Variants in GUCY1A2 observed in about 807,000 individuals in gnomAD.
GUCY1A2 encodes the protein guanylate cyclase soluble subunit alpha-2.
GUCY1A2 carries 27 observed loss-of-function variants against 63.5 expected under a neutral mutation model. The observed-to-expected ratio is 0.43, with a 90% CI of 0.31 to 0.59. The LOEUF (loss-of-function observed/expected upper bound fraction) is 0.59, where lower values mean the gene tolerates loss of function less well. GUCY1A2 is among the 20% of genes least tolerant of loss of function. The pLI is 0.11. For synonymous variants in GUCY1A2, 364 were observed against 343.5 expected (o/e 1.06, Z -0.66); for missense variants, 768 against 913.3 (o/e 0.84, Z 2.05).
At chr11:107,006,930 A>C (rs1861678955) in intron 1 of GUCY1A2, among the ~76,000 whole-genome samples, 1 of 152,182 alleles carries the variant, frequency 6.6e-6, no homozygotes, top group Admixed American at 6.5e-5. Flanking sequence ...GCTCACTTAG[A>C]ATGTTTGATT....
At chr11:106,798,335 A>T (rs1864806224) in intron 5 of GUCY1A2, among the ~76,000 whole-genome samples, 1 of 152,200 alleles carries the variant, frequency 6.6e-6, no homozygotes, top group Non-Finnish European at 1.5e-5. Flanking sequence ...TACCAGAGGT[A>T]CAAGGAGGAG....
chr11:106,852,511 T>A (rs1859370056), intron 4 of GUCY1A2, among the ~76,000 whole-genome samples: 1 of 152,142 alleles, frequency 6.6e-6, no homozygotes, highest in Non-Finnish European at 1.5e-5. Flanking sequence ...GTTGAGTCTT[T>A]AACATGAAGG....
At chr11:106,920,412 A>C (rs1438660646) in intron 4 of GUCY1A2, among the ~76,000 whole-genome samples, 1 of 152,180 alleles carries the variant, frequency 6.6e-6, no homozygotes, top group Non-Finnish European at 1.5e-5. Flanking sequence ...TACTTAGTAA[A>C]AGATAAAAAG....
intron 1 of GUCY1A2, among the ~76,000 whole-genome samples, chr11:106,995,149 C>G (rs1861518672): frequency 6.6e-6 from 1 of 152,176 alleles, no homozygotes; most frequent in Admixed American, 6.5e-5. Flanking sequence ...AGGGCTGATT[C>G]AGTCTTCAAA....
intron 1 of GUCY1A2, among the ~76,000 whole-genome samples, chr11:107,015,489 A>G (rs1302730844): frequency 7.1e-6 from 1 of 140,304 alleles, no homozygotes; most frequent in Non-Finnish European, 1.5e-5. Flanking sequence ...GTTGTTGAAA[A>G]TAGTCTTAGC....
intron 5 of GUCY1A2, among the ~76,000 whole-genome samples, chr11:106,794,133 C>T (rs1261731918): frequency 6.6e-6 from 1 of 152,010 alleles, no homozygotes; most frequent in Non-Finnish European, 1.5e-5. Context: ...ATGTGATACA[C>T]ACACACACAG....
chr11:106,700,238 C>T (rs913477730), intron 7 of GUCY1A2, among the ~76,000 whole-genome samples: 3 of 152,088 alleles, frequency 2.0e-5, no homozygotes, highest in Middle Eastern at 3.4e-3. Flanking sequence ...ACATTATATT[C>T]TGATTTTTAA....
intron 5 of GUCY1A2, among the ~76,000 whole-genome samples, chr11:106,800,436 C>G (rs989127512): frequency 1.3e-5 from 2 of 152,130 alleles, no homozygotes; most frequent in African/African-American, 4.8e-5. Flanking sequence ...GACACATGCA[C>G]ACATATGTTC....
intron 6 of GUCY1A2, among the ~76,000 whole-genome samples, chr11:106,737,841 C>T (rs932129397): frequency 6.6e-5 from 10 of 152,068 alleles, no homozygotes; most frequent in Non-Finnish European, 2.9e-5. Flanking sequence ...CTATTGTGAA[C>T]AGTGCCACAA....
chr11:106,909,356 T>TGTGTGTGTGTGTGTGTGTGTGTGTGA (rs1860260308), intron 4 of GUCY1A2, among the ~76,000 whole-genome samples: 1 of 5,820 alleles, frequency 1.7e-4, no homozygotes, highest in Non-Finnish European at 3.1e-4. Flanking sequence ...GGTACTCATC[T>TGTGTGTGTGTGTGTGTGTGTGTGTGA]GTGTGTGTGT....
chr11:106,865,237 G>A (rs533354349), intron 4 of GUCY1A2, among the ~76,000 whole-genome samples: 1 of 152,046 alleles, frequency 6.6e-6, no homozygotes, highest in Non-Finnish European at 1.5e-5. Context: ...GGGATCAGTA[G>A]TGATATCTCT....
At chr11:106,706,545 G>GT (rs71041682) in intron 7 of GUCY1A2, among the ~76,000 whole-genome samples, 30,919 of 142,692 alleles carry the variant, frequency 0.22, 3,609 homozygotes, top group African/African-American at 0.31. Flanking sequence ...GGCTGGCAGA[G>GT]TTTTTTTTTT....
intron 6 of GUCY1A2, among the ~76,000 whole-genome samples, chr11:106,774,847 TCTC>T (rs1164682342): frequency 1.3e-5 from 2 of 152,228 alleles, no homozygotes; most frequent in Admixed American, 6.5e-5. Context: ...CACTTTGTTC[TCTC>T]TTCTTTTCTT....
At chr11:106,826,836 G>T in intron 4 of GUCY1A2, 5 of 1,607,836 alleles carry the variant, frequency 3.1e-6, no homozygotes, top group Non-Finnish European at 4.3e-6. Flanking sequence ...CGGCAGCATA[G>T]ATATCAGGAA....
At chr11:106,998,941 AAGG>A (rs1247057595) in intron 1 of GUCY1A2, among the ~76,000 whole-genome samples, 8 of 152,200 alleles carry the variant, frequency 5.3e-5, no homozygotes, top group Non-Finnish European at 1.0e-4. Flanking sequence ...TACCGTCGCA[AAGG>A]AGATCTCCAG....
intron 5 of GUCY1A2, among the ~76,000 whole-genome samples, chr11:106,792,285 C>T (rs551030332): frequency 2.0e-5 from 3 of 150,310 alleles, no homozygotes; most frequent in Admixed American, 1.3e-4. Flanking sequence ...ACTGGGGAGG[C>T]TGAGGCAGGA....
intron 6 of GUCY1A2, among the ~76,000 whole-genome samples, chr11:106,756,316 G>A (rs1373175039): frequency 6.6e-6 from 1 of 152,172 alleles, no homozygotes; most frequent in African/African-American, 2.4e-5. Context: ...GCTAGTCTGT[G>A]TCTTTTAATT....
intron 4 of GUCY1A2, among the ~76,000 whole-genome samples, chr11:106,872,629 T>C (rs1433973466): frequency 3.3e-5 from 5 of 152,032 alleles, no homozygotes; most frequent in African/African-American, 1.2e-4. Flanking sequence ...CTCAGCAAAA[T>C]ATATAGGCAA....
chr11:106,988,064 A>T (rs945510708), intron 1 of GUCY1A2, among the ~76,000 whole-genome samples: 1 of 152,230 alleles, frequency 6.6e-6, no homozygotes, highest in African/African-American at 2.4e-5. Context: ...GTTTCTACTC[A>T]TCCAAACAGA....
Sources: allele counts gnomAD v4.1 joint callset (sites outside exome capture counted in the v4.1 genomes callset), GRCh38; gene constraint gnomAD v4.1.1; transcripts MANE v1.5; gene names NCBI Gene and HGNC (gene_info 2026-07-23, HGNC 2026-07-21).